The following CAMKMT variants were observed in gnomAD, a reference collection of about 807,000 sequenced individuals.
CAMKMT encodes the protein calmodulin-lysine N-methyltransferase, also known as CaM KMT.
A neutral mutation model predicts 48.0 loss-of-function variants in CAMKMT; 53 were observed. The ratio of observed to expected loss-of-function variants is 1.10; its 90% CI spans 0.89 to 1.39. The LOEUF (loss-of-function observed/expected upper bound fraction) is 1.39. Among genes scored for constraint, CAMKMT ranks in the 40% most tolerant of loss-of-function variants. The pLI is 0.00. For synonymous variants in CAMKMT, 165 were observed against 152.3 expected (o/e 1.08, Z -0.61); for missense variants, 428 against 402.7 (o/e 1.06, Z -0.54).
At chr2:44,513,967 T>C (rs1462301665) in intron 3 of CAMKMT, among the ~76,000 whole-genome samples, 1 of 151,870 alleles carries the variant, frequency 6.6e-6, no homozygotes, top group African/African-American at 2.4e-5. Context: ...CCAGGCATGG[T>C]AGTGCATGCC....
chr2:44,698,763 A>G (rs1677103122), intron 3 of CAMKMT, among the ~76,000 whole-genome samples: 1 of 152,228 alleles, frequency 6.6e-6, no homozygotes, highest in Admixed American at 6.5e-5. Context: ...TCTTCCTTTC[A>G]GGAAAGATTT....
At chr2:44,400,376 C>T (rs569051323) in intron 3 of CAMKMT, among the ~76,000 whole-genome samples, 37 of 152,004 alleles carry the variant, frequency 2.4e-4, no homozygotes, top group East Asian at 1.7e-3. Context: ...TCTAATGGCC[C>T]GAGTCTGAGC....
chr2:44,386,666 C>T lies in CAMKMT; in HGVS notation c.312-3575C>T, dbSNP rs190035378. On this transcript the variant is annotated intron_variant, in intron 2 of 10. Coordinates refer to ENST00000378494, the MANE Select transcript of CAMKMT (RefSeq NM_024766.5). ...GTAGGCATTTAGGGCTATGAACTTTCCTCTTAGCATCACCTTTGCTGTATC... is the reference window on the plus strand; with the variant it reads ...GTAGGCATTTAGGGCTATGAACTTTTCTCTTAGCATCACCTTTGCTGTATC... Among the ~76,000 whole-genome samples, 186 of 152,218 alleles carry T rather than the reference C, an allele frequency of 1.2e-3. 1 individual carries two copies. The highest frequency in any genetic ancestry group is 4.3e-3 in the African/African-American group (179 of 41,560).
At chr2:44,608,172 A>C (rs1299304778) in intron 3 of CAMKMT, among the ~76,000 whole-genome samples, 1 of 146,546 alleles carries the variant, frequency 6.8e-6, no homozygotes, top group Non-Finnish European at 1.5e-5. Context: ...TCCCGGGTTC[A>C]CGCCATTCTC....
chr2:44,470,234 G>A (rs1490030298), intron 3 of CAMKMT, among the ~76,000 whole-genome samples: 5 of 152,006 alleles, frequency 3.3e-5, no homozygotes, highest in African/African-American at 9.7e-5. Flanking sequence ...TAAAACTATG[G>A]CCTCATACTG....
At chr2:44,553,590 G>C (rs1667842079) in intron 3 of CAMKMT, among the ~76,000 whole-genome samples, 2 of 152,042 alleles carry the variant, frequency 1.3e-5, no homozygotes. Context: ...CGAATTCCTG[G>C]CCTCAAGCCA....
intron 3 of CAMKMT, among the ~76,000 whole-genome samples, chr2:44,558,257 C>G (rs1279225563): frequency 6.6e-6 from 1 of 152,096 alleles, no homozygotes; most frequent in African/African-American, 2.4e-5. Flanking sequence ...CCAGGCTGAT[C>G]TTGAACTCCT....
At chr2:44,567,508 G>C (rs1668678058) in intron 3 of CAMKMT, among the ~76,000 whole-genome samples, 3 of 152,130 alleles carry the variant, frequency 2.0e-5, no homozygotes, top group Non-Finnish European at 2.9e-5. Flanking sequence ...TTGTAATAGA[G>C]TAAGGGAAAA....
At chr2:44,452,565 T>C (rs534871274) in intron 3 of CAMKMT, among the ~76,000 whole-genome samples, 1 of 152,184 alleles carries the variant, frequency 6.6e-6, no homozygotes, top group Non-Finnish European at 1.5e-5. Flanking sequence ...CCCTGAAATC[T>C]TTCATGGCAC....
At chr2:44,744,714 A>T (rs1679846847) in intron 8 of CAMKMT, among the ~76,000 whole-genome samples, 1 of 152,076 alleles carries the variant, frequency 6.6e-6, no homozygotes, top group African/African-American at 2.4e-5. Context: ...GGGTTTTGTT[A>T]TTATTATTAT....
chr2:44,631,269 G>C (rs1672804801), intron 3 of CAMKMT, among the ~76,000 whole-genome samples: 1 of 152,068 alleles, frequency 6.6e-6, no homozygotes, highest in South Asian at 2.1e-4. Context: ...AAGGGGGAGG[G>C]ATAGCATTGA....
intron 3 of CAMKMT, among the ~76,000 whole-genome samples, chr2:44,555,240 T>C (rs200015883): frequency 1.1e-4 from 16 of 152,178 alleles, no homozygotes; most frequent in African/African-American, 3.9e-4. Flanking sequence ...TCAGAGGCTG[T>C]TGACATGGTT....
chr2:44,705,204 C>T (rs1677484592), intron 4 of CAMKMT: 1 of 216,590 alleles, frequency 4.6e-6, no homozygotes, highest in Admixed American at 6.5e-5. Context: ...AACAACCAAA[C>T]ACTCATTAAG....
chr2:44,646,547 C>T (rs1208372099), intron 3 of CAMKMT, among the ~76,000 whole-genome samples: 2 of 152,058 alleles, frequency 1.3e-5, no homozygotes, highest in African/African-American at 2.4e-5. Context: ...CCTAGATGTG[C>T]GAAGTCCTGT....
chr2:44,755,204 G>A (rs939875284), intron 9 of CAMKMT, among the ~76,000 whole-genome samples: 3 of 152,116 alleles, frequency 2.0e-5, no homozygotes, highest in African/African-American at 7.2e-5. Context: ...CCATAGCTTC[G>A]TAAGTGGTAG....
At chr2:44,428,626 A>C (rs1360457848) in intron 3 of CAMKMT, among the ~76,000 whole-genome samples, 3 of 152,220 alleles carry the variant, frequency 2.0e-5, no homozygotes, top group African/African-American at 4.8e-5. Context: ...TCTTTTAGTT[A>C]ACATAGTCCA....
chr2:44,642,021 A>G (rs1673477352), intron 3 of CAMKMT, among the ~76,000 whole-genome samples: 1 of 152,240 alleles, frequency 6.6e-6, no homozygotes, highest in South Asian at 2.1e-4. Flanking sequence ...TCTCTGGCTT[A>G]CTATTCTGAA....
chr2:44,725,143 C>T (rs1024236126), intron 7 of CAMKMT, among the ~76,000 whole-genome samples: 9 of 140,556 alleles, frequency 6.4e-5, no homozygotes, highest in African/African-American at 8.0e-5. Context: ...GCTTTCTGGA[C>T]GTGTGTGTGT....
At chr2:44,671,573 C>T (rs1015739652) in intron 3 of CAMKMT, among the ~76,000 whole-genome samples, 1 of 152,172 alleles carries the variant, frequency 6.6e-6, no homozygotes, top group Non-Finnish European at 1.5e-5. Flanking sequence ...GGCTCTCCAC[C>T]CTCACCCCGT....
Sources: gnomAD v4.1 joint callset for allele counts (sites outside exome capture counted in the v4.1 genomes callset) on GRCh38, gnomAD v4.1.1 for gene constraint, MANE v1.5 for transcripts, NCBI Gene and HGNC (gene_info 2026-07-23, HGNC 2026-07-21) for gene names.